Variants in CDH9 observed in about 807,000 individuals in gnomAD.
CDH9 encodes the protein cadherin-9.
Under a neutral mutation model 70.9 loss-of-function variants are expected in CDH9, and 28 were observed. That is an observed-to-expected ratio of 0.40 (90% CI 0.29 to 0.54). CDH9 has a LOEUF of 0.54. Among genes scored for constraint, CDH9 ranks in the 20% least tolerant of loss-of-function variants. The pLI, the probability that CDH9 is intolerant of heterozygous loss-of-function variation, is 0.59. For synonymous variants in CDH9, 409 were observed against 343.1 expected (o/e 1.19, Z -2.12); for missense variants, 874 against 984.4 (o/e 0.89, Z 1.50).
intron 2 of CDH9, among the ~76,000 whole-genome samples, chr5:26,969,094 T>C (rs1742175361): frequency 6.6e-6 from 1 of 152,180 alleles, no homozygotes; most frequent in Non-Finnish European, 1.5e-5. Context: ...ATATTCATTT[T>C]CCACAGTGAA....
chr5:26,962,244 G>T lies in CDH9; in HGVS notation c.228+25862C>A, dbSNP rs565839146. The stretch of plus-strand genomic sequence containing the variant: ...CTATCATTGATGGGCATTTCTGTTG[G>T]TTCCGTCTTTGCTGTTGTGAACAGT... On this transcript the variant is annotated intron_variant, in intron 2 of 11. Coordinates refer to ENST00000231021, the MANE Select transcript of CDH9 (RefSeq NM_016279.4). 5.3e-5 allele frequency among the ~76,000 whole-genome samples: 8 copies of T among 152,088 alleles called. No homozygotes were observed. In the East Asian group the frequency reaches 1.4e-3, roughly 26 times the overall value.
At chr5:26,948,337 A>G (rs1180025560) in intron 2 of CDH9, among the ~76,000 whole-genome samples, 2 of 152,210 alleles carry the variant, frequency 1.3e-5, no homozygotes, top group African/African-American at 2.4e-5. Flanking sequence ...ATGGGCCGAG[A>G]GATGAAACAT....
intron 2 of CDH9, among the ~76,000 whole-genome samples, chr5:26,945,550 G>A (rs7729568): frequency 1.3e-5 from 2 of 151,956 alleles, no homozygotes; most frequent in African/African-American, 4.8e-5. Flanking sequence ...TAGTTCCAAT[G>A]TTTTATGTCA....
intron 1 of CDH9, among the ~76,000 whole-genome samples, chr5:26,989,443 C>A (rs149042210): frequency 2.2e-4 from 34 of 152,002 alleles, no homozygotes; most frequent in Non-Finnish European, 1.3e-4. Flanking sequence ...AGAAGCAGTT[C>A]GGCATTTCCT....
intron 1 of CDH9, among the ~76,000 whole-genome samples, chr5:26,999,627 A>G (rs1440896445): frequency 6.6e-6 from 1 of 152,190 alleles, no homozygotes; most frequent in East Asian, 1.9e-4. Context: ...TTCAATGTAG[A>G]AAGAATAATC....
intron 2 of CDH9, among the ~76,000 whole-genome samples, chr5:26,956,046 G>A (rs770001621): frequency 1.1e-4 from 17 of 152,154 alleles, no homozygotes; most frequent in African/African-American, 4.1e-4. Flanking sequence ...CTTAGGCCAC[G>A]AAGTTTCTGC....
chr5:26,913,193 C>T (rs1042121433), intron 3 of CDH9, among the ~76,000 whole-genome samples: 1 of 152,062 alleles, frequency 6.6e-6, no homozygotes, highest in Non-Finnish European at 1.5e-5. Flanking sequence ...TTGGCCAAGT[C>T]AGTTTAATTC....
intron 2 of CDH9, among the ~76,000 whole-genome samples, chr5:26,975,063 G>A (rs925006249): frequency 2.0e-5 from 3 of 152,138 alleles, no homozygotes; most frequent in Non-Finnish European, 4.4e-5. Flanking sequence ...GATAAAGGCT[G>A]ACTATGACCT....
intron 1 of CDH9, among the ~76,000 whole-genome samples, chr5:27,024,744 C>G (rs1031246565): frequency 6.6e-6 from 1 of 151,970 alleles, no homozygotes; most frequent in Non-Finnish European, 1.5e-5. Flanking sequence ...TTAATTGATA[C>G]GACATTGAAA....
intron 7 of CDH9, among the ~76,000 whole-genome samples, chr5:26,896,522 A>G (rs898705771): frequency 7.4e-6 from 1 of 135,990 alleles, no homozygotes; most frequent in Non-Finnish European, 1.6e-5. Context: ...AATGAAATGA[A>G]AATTTCATTT....
At chr5:26,952,807 T>C (rs1353164388) in intron 2 of CDH9, among the ~76,000 whole-genome samples, 2 of 150,300 alleles carry the variant, frequency 1.3e-5, no homozygotes, top group African/African-American at 2.5e-5. Context: ...CTGGAGGCTT[T>C]ATAAGAAAAG....
At chr5:26,930,073 A>G (rs1240059193) in intron 2 of CDH9, among the ~76,000 whole-genome samples, 2 of 152,236 alleles carry the variant, frequency 1.3e-5, no homozygotes, top group South Asian at 2.1e-4. Context: ...ATTATTGTGC[A>G]TTGTATGCCT....
intron 2 of CDH9, among the ~76,000 whole-genome samples, chr5:26,958,028 A>G (rs1221243450): frequency 6.6e-6 from 1 of 152,210 alleles, no homozygotes; most frequent in Non-Finnish European, 1.5e-5. Flanking sequence ...AAATTCTAGC[A>G]AGTTCCTGGA....
intron 1 of CDH9, among the ~76,000 whole-genome samples, chr5:27,035,279 C>A (rs995080315): frequency 1.3e-5 from 2 of 151,050 alleles, no homozygotes; most frequent in East Asian, 3.9e-4. Flanking sequence ...AGAGTTAAAA[C>A]TCCTCTTCTA....
chr5:26,974,530 A>G (rs1456507744), intron 2 of CDH9, among the ~76,000 whole-genome samples: 2 of 152,154 alleles, frequency 1.3e-5, no homozygotes, highest in East Asian at 1.9e-4. Flanking sequence ...TTGAGTGTAA[A>G]TGTGTGCCAG....
At chr5:26,942,045 A>G (rs1311656660) in intron 2 of CDH9, among the ~76,000 whole-genome samples, 1 of 152,136 alleles carries the variant, frequency 6.6e-6, no homozygotes, top group Non-Finnish European at 1.5e-5. Flanking sequence ...ATAAAGACAT[A>G]CTCAGGATTG....
At position 26,898,547 on chromosome 5, in the gene CDH9, C is replaced by T. The variant is rs1740794021; in HGVS notation, c.1253+3929G>A. Among the ~76,000 whole-genome samples, 3 of 152,068 alleles carry T rather than the reference C, an allele frequency of 2.0e-5. No homozygotes were observed. The South Asian group carries it at 6.2e-4, about 32-fold the overall frequency. On this transcript the variant is annotated intron_variant, in intron 7 of 11. Coordinates refer to ENST00000231021, the MANE Select transcript of CDH9 (RefSeq NM_016279.4). ...CTACAGCCATCTGATCTTTGACAAA[C>T]CTGACAAAAGCAAGAAATGGGGAAA...
At chr5:26,925,674 T>C (rs999449130) in intron 2 of CDH9, among the ~76,000 whole-genome samples, 1 of 152,194 alleles carries the variant, frequency 6.6e-6, no homozygotes. Flanking sequence ...AGGGTTTTTA[T>C]GGTTTTAAGT....
chr5:26,982,353 A>G (rs1158324710), intron 2 of CDH9, among the ~76,000 whole-genome samples: 1 of 152,194 alleles, frequency 6.6e-6, no homozygotes, highest in Non-Finnish European at 1.5e-5. Context: ...ACCCTCCAAT[A>G]TAATGGAAAT....
Sources: gnomAD v4.1 joint callset for allele counts (sites outside exome capture counted in the v4.1 genomes callset) on GRCh38, gnomAD v4.1.1 for gene constraint, MANE v1.5 for transcripts, NCBI Gene and HGNC (gene_info 2026-07-23, HGNC 2026-07-21) for gene names.